The following CTNNA1 variants were observed in gnomAD, a reference collection of about 807,000 sequenced individuals.
CTNNA1 encodes the protein catenin alpha-1.
Under a neutral mutation model 98.4 loss-of-function variants are expected in CTNNA1, and 37 were observed. That is an observed-to-expected ratio of 0.38 (90% CI 0.29 to 0.49). The LOEUF is 0.49. Ranked by LOEUF, CTNNA1 falls within the 20% of genes least tolerant of loss-of-function variation. CTNNA1 has a pLI of 0.95. For synonymous variants in CTNNA1, 404 were observed against 413.2 expected, an observed-to-expected ratio of 0.98 and a Z score of 0.27; for missense variants, 761 against 1,147.2, an observed-to-expected ratio of 0.66 and a Z score of 4.86.
chr5:138,861,215 T>C (rs754338711), intron 7 of CTNNA1, among the ~76,000 whole-genome samples: 9 of 152,084 alleles, frequency 5.9e-5, no homozygotes, highest in Non-Finnish European at 1.0e-4. Context: ...GAGACGGGGT[T>C]TCACCATGTG....
At chr5:138,922,737 C>G (rs1024794778) in intron 11 of CTNNA1, among the ~76,000 whole-genome samples, 1 of 152,158 alleles carries the variant, frequency 6.6e-6, no homozygotes, top group African/African-American at 2.4e-5. Flanking sequence ...AGGCTGGGTG[C>G]TCTGTCCTGG....
intron 7 of CTNNA1, among the ~76,000 whole-genome samples, chr5:138,838,607 G>A (rs999301389): frequency 6.6e-6 from 1 of 151,170 alleles, no homozygotes; most frequent in Non-Finnish European, 1.5e-5. Context: ...GCTTATTTTG[G>A]GTTTATTTTA....
chr5:138,753,564 G>A (rs1175505857), intron 1 of CTNNA1, 54 bp downstream of exon 1: 5 of 370,824 alleles, frequency 1.3e-5, no homozygotes, highest in Non-Finnish European at 2.4e-5. Context: ...AGGCCGAGAG[G>A]GTCCTTGGGC....
At chr5:138,817,744 A>G (rs1459819315) in intron 5 of CTNNA1, among the ~76,000 whole-genome samples, 2 of 152,128 alleles carry the variant, frequency 1.3e-5, no homozygotes, top group Admixed American at 1.3e-4. Context: ...TGTTTTCACC[A>G]TTAAATTCTT....
intron 3 of CTNNA1, among the ~76,000 whole-genome samples, chr5:138,797,359 C>T (rs943020097): frequency 2.0e-5 from 3 of 152,060 alleles, no homozygotes; most frequent in African/African-American, 4.8e-5. Context: ...TAGTGTTTAC[C>T]ATCCCATCCC....
intron 7 of CTNNA1, among the ~76,000 whole-genome samples, chr5:138,832,246 T>G (rs1253201259): frequency 1.3e-5 from 2 of 152,186 alleles, no homozygotes; most frequent in East Asian, 3.8e-4. Flanking sequence ...TACAACTAAC[T>G]TACTATACGG....
At chr5:138,885,154 G>A (rs1217564942) in intron 7 of CTNNA1, among the ~76,000 whole-genome samples, 1 of 152,144 alleles carries the variant, frequency 6.6e-6, no homozygotes, top group African/African-American at 2.4e-5. Context: ...AAGAGATAAA[G>A]TGAATAACAA....
At position 138,780,677 on chromosome 5, in the gene CTNNA1, T is replaced by A. The variant is rs1754983849; in HGVS notation, c.-2-1246T>A. 2.0e-5 allele frequency among the ~76,000 whole-genome samples: 3 copies of A among 151,938 alleles called. No homozygotes were observed. In the South Asian group the frequency reaches 6.2e-4, roughly 32 times the overall value. On this transcript the variant is annotated intron_variant, in intron 1 of 17. Coordinates refer to ENST00000302763, the MANE Select transcript of CTNNA1 (RefSeq NM_001903.5). ...GGATTACAGGCGTGCACCACCAGCC[T>A]GGCTAATTTTGTATTTTTAGTAGAG... is the stretch of plus-strand genomic sequence containing the variant.
chr5:138,776,039 C>CTTTTT (rs57467422), intron 1 of CTNNA1, among the ~76,000 whole-genome samples: 1,368 of 83,300 alleles, frequency 0.016, no homozygotes, highest in East Asian at 0.021. Flanking sequence ...GGAAATGTTT[C>CTTTTT]TTTTTTTTTT....
chr5:138,918,599 A>T (rs186486427), intron 11 of CTNNA1, among the ~76,000 whole-genome samples: 1 of 152,374 alleles, frequency 6.6e-6, no homozygotes, highest in Non-Finnish European at 1.5e-5. Context: ...TAAACTGGTA[A>T]TGACTTAGTA....
chr5:138,871,721 A>G (rs763504957), intron 7 of CTNNA1: 2 of 152,164 alleles, frequency 1.3e-5, no homozygotes, highest in Non-Finnish European at 2.9e-5. Flanking sequence ...CTGCATAGGC[A>G]TGTCGAGTTG....
chr5:138,894,473 GT>G (rs1343337063), intron 9 of CTNNA1, among the ~76,000 whole-genome samples: 1 of 151,322 alleles, frequency 6.6e-6, no homozygotes, highest in Non-Finnish European at 1.5e-5. Flanking sequence ...CAGAGATGGG[GT>G]TTTGCCATGT....
rs554567054 is a variant in CTNNA1, at chr5:138,901,262, A to G, written c.1297-3087A>G. On this transcript the variant is annotated intron_variant, in intron 9 of 17. Transcript: ENST00000302763. ...AACCTCCACCTCCTGAGTTCAAGCA[A>G]TTCTCATGCCTCAGCCTCCCAAGCA... 4.0e-3 allele frequency among the ~76,000 whole-genome samples: 612 copies of G among 152,156 alleles called. 4 individuals carry two copies. Among genetic ancestry groups the G allele is most frequent in the African/African-American group, 0.014 (578 of 41,484 alleles).
At chr5:138,909,356 C>G (rs1031460921) in intron 10 of CTNNA1, among the ~76,000 whole-genome samples, 1 of 151,348 alleles carries the variant, frequency 6.6e-6, no homozygotes, top group Non-Finnish European at 1.5e-5. Flanking sequence ...TTTCCTCCCC[C>G]CCCACCCTTT....
At chr5:138,886,163 G>A (rs746166348) in intron 7 of CTNNA1, 49 bp from the exon 8 acceptor site, 4 of 1,589,132 alleles carry the variant, frequency 2.5e-6, no homozygotes, top group Admixed American at 3.6e-5. Flanking sequence ...GCTATCATTA[G>A]GTTTCTTTGT....
At chr5:138,897,606 GGAATGTTTTCAC>G (rs1299932721) in intron 9 of CTNNA1, among the ~76,000 whole-genome samples, 1 of 152,048 alleles carries the variant, frequency 6.6e-6, no homozygotes, top group East Asian at 1.9e-4. Flanking sequence ...CTCAGATTAT[GGAATGTTTTCAC>G]GAGAGAAGTT....
At chr5:138,803,641 C>T (rs1427169865) in intron 3 of CTNNA1, among the ~76,000 whole-genome samples, 1 of 152,232 alleles carries the variant, frequency 6.6e-6, no homozygotes, top group Non-Finnish European at 1.5e-5. Context: ...CTGGAATGCT[C>T]TTCCTCCAGA....
At chr5:138,817,472 G>A (rs1759551887) in intron 5 of CTNNA1, among the ~76,000 whole-genome samples, 1 of 152,068 alleles carries the variant, frequency 6.6e-6, no homozygotes, top group African/African-American at 2.4e-5. Flanking sequence ...CCCAGACTTG[G>A]GAAGTTTCCA....
chr5:138,782,584 A>G (rs754428017), intron 2 of CTNNA1, among the ~76,000 whole-genome samples: 6 of 152,242 alleles, frequency 3.9e-5, no homozygotes, highest in South Asian at 4.1e-4. Flanking sequence ...AATTTACACT[A>G]TAACATATAT....
Sources: gnomAD v4.1 joint callset for allele counts (sites outside exome capture counted in the v4.1 genomes callset) on GRCh38, gnomAD v4.1.1 for gene constraint, MANE v1.5 for transcripts, NCBI Gene and HGNC (gene_info 2026-07-23, HGNC 2026-07-21) for gene names.